The following RIMKLA variants were observed in gnomAD, a reference collection of about 807,000 sequenced individuals.
The protein encoded by RIMKLA is ribosomal modification protein rimK like family member A, also known as N-acetylaspartylglutamate synthase A.
RIMKLA carries 14 observed loss-of-function variants against 32.7 expected under a neutral mutation model. That is an observed-to-expected ratio of 0.43 (90% confidence interval 0.28 to 0.67). The LOEUF (loss-of-function observed/expected upper bound fraction) is 0.67, where lower values mean the gene tolerates loss of function less well. Ranked by LOEUF, RIMKLA falls within the 30% of genes least tolerant of loss-of-function variation. The pLI is 0.18. For synonymous variants in RIMKLA, 176 were observed against 204.1 expected (o/e 0.86, Z 1.18); for missense variants, 410 against 519.0 (o/e 0.79, Z 2.04).
intron 1 of RIMKLA, among the ~76,000 whole-genome samples, chr1:42,388,009 T>G (rs924526658): frequency 2.6e-5 from 4 of 152,078 alleles, no homozygotes; most frequent in African/African-American, 9.7e-5. Context: ...GCAAGCTGTT[T>G]AGATATCTGG....
Position 42,380,800 on chromosome 1 carries a change from G to A in RIMKLA, c.-135G>A, listed in dbSNP as rs1642878727. The A allele has an allele frequency of 9.0e-6, 3 of 332,888 alleles. No homozygotes were observed. Among genetic ancestry groups the A allele is most frequent in the Admixed American group, 5.9e-5 (1 of 16,902 alleles). 20.6% of individuals were successfully genotyped at this position (332,888 alleles called of 1,614,324 possible). A position where few individuals can be genotyped will look rare whatever the true frequency, so the allele number is the denominator to read the frequency against. On this transcript the variant is annotated 5_prime_UTR_variant, in exon 1 of 5. Transcript: ENST00000431473. ...TTCGCTGGGTCAGGGCTGCAGAGAC[G>A]CCTGGCGCACCCGCGGGAGCGGAGC...
intron 3 of RIMKLA, 113 bp downstream of exon 3, chr1:42,404,710 G>T: frequency 1.5e-6 from 1 of 668,440 alleles, no homozygotes; most frequent in Non-Finnish European, 2.7e-6. Flanking sequence ...CCCCTTTGAG[G>T]AGCTTGCAGT....
chr1:42,397,769 A>G (rs1457102271), intron 1 of RIMKLA, among the ~76,000 whole-genome samples: 1 of 152,238 alleles, frequency 6.6e-6, no homozygotes, highest in Admixed American at 6.5e-5. Flanking sequence ...AGCATTTTAG[A>G]GATTCCTTCA....
At chr1:42,384,555 G>A (rs12090430) in intron 1 of RIMKLA, among the ~76,000 whole-genome samples, 1 of 137,332 alleles carries the variant, frequency 7.3e-6, no homozygotes, top group African/African-American at 3.2e-5. Flanking sequence ...ATATATGTGT[G>A]TATATATACA....
chr1:42,383,631 A>T (rs1376072172), intron 1 of RIMKLA, among the ~76,000 whole-genome samples: 1 of 152,264 alleles, frequency 6.6e-6, no homozygotes, highest in Non-Finnish European at 1.5e-5. Flanking sequence ...ATATGTAGTT[A>T]TGATGATATT....
At chr1:42,410,597 AAT>A (rs1643189067) in intron 4 of RIMKLA, among the ~76,000 whole-genome samples, 1 of 152,188 alleles carries the variant, frequency 6.6e-6, no homozygotes, top group Admixed American at 6.5e-5. Context: ...TGACAGGAGA[AAT>A]ATATTTTCCT....
At chr1:42,385,357 CA>C (rs1292985171) in intron 1 of RIMKLA, among the ~76,000 whole-genome samples, 1 of 152,060 alleles carries the variant, frequency 6.6e-6, no homozygotes, top group Non-Finnish European at 1.5e-5. Context: ...GCTCAAGAAA[CA>C]AGTATAGTCA....
rs1570313910 is a variant in RIMKLA at position 42,385,836 on chromosome 1, CTTTCTTTCT to C, written c.163+4740_163+4748del. ...CCTTCCTTCCTTCCTTCCTTTCTTTCTTTCTTTCTCTTTCTTTCTTTCTTTCTTTCTTTC... is the reference window on the plus strand; with the variant it reads ...CCTTCCTTCCTTCCTTCCTTTCTTTCCTTTCTTTCTTTCTTTCTTTCTTTC... On this transcript the variant is annotated intron_variant, in intron 1 of 4. Transcript: ENST00000431473. 3.7e-3 allele frequency among the ~76,000 whole-genome samples: 252 copies of C among 67,416 alleles called. 1 individual carries two copies. Among genetic ancestry groups the C allele is most frequent in the Non-Finnish European group, 4.7e-3 (133 of 28,488 alleles). 44.2% of individuals were successfully genotyped at this position (67,416 alleles called of 152,430 possible).
intron 4 of RIMKLA, chr1:42,412,584 C>T (rs1017349618): frequency 7.9e-6 from 4 of 507,340 alleles, no homozygotes; most frequent in Admixed American, 2.0e-5. Context: ...GTTCACTCCC[C>T]ACTTGTTTAA....
chr1:42,399,599 G>C lies in RIMKLA; in HGVS notation c.359G>C (p.Gly120Ala), dbSNP rs754710016. 8 of 1,611,620 alleles carry C rather than the reference G, an allele frequency of 5.0e-6. No homozygotes were observed. The highest frequency in any genetic ancestry group is 1.3e-5 in the African/African-American group (1 of 74,912). The change falls in exon 2 of 5, where the codon GGA becomes GCA. Residue 120 changes from glycine to alanine, a missense_variant. Coordinates refer to ENST00000431473, the MANE Select transcript of RIMKLA (RefSeq NM_173642.4). ...TTCTGGACGTTCCAAGAACTGGCTGGACATGGGGTCCCCATGCCAGACACC... is the reference window on the plus strand; with the variant it reads ...TTCTGGACGTTCCAAGAACTGGCTGCACATGGGGTCCCCATGCCAGACACC... ...NKFWTFQELA[G>A]HGVPMPDTFS...
In RIMKLA at chr1:42,381,109, G is replaced by T. The variant is rs533919459; in HGVS notation, c.163+12G>T. The T allele has an allele frequency of 5.6e-6, 7 of 1,245,714 alleles. No individual in the cohort carries two copies. Among genetic ancestry groups the T allele is most frequent in the Non-Finnish European group, 5.0e-6 (5 of 992,430 alleles). 77.2% of individuals were successfully genotyped at this position (1,245,714 alleles called of 1,614,324 possible). A position where few individuals can be genotyped will look rare whatever the true frequency, so the allele number is the denominator to read the frequency against. The stretch of plus-strand genomic sequence containing the variant: ...CGGCGGCCACCTCGGTGAGCGAGGC[G>T]GGCCCGGGGAGGGCAGGGAGGCGCG... On this transcript the variant is annotated intron_variant, in intron 1 of 4. Coordinates refer to ENST00000431473, the MANE Select transcript of RIMKLA (RefSeq NM_173642.4).
intron 3 of RIMKLA, among the ~76,000 whole-genome samples, chr1:42,405,598 G>C (rs1381912853): frequency 1.3e-5 from 2 of 152,078 alleles, no homozygotes; most frequent in African/African-American, 4.8e-5. Context: ...CTATGCAATA[G>C]AAATGAACTA....
At chr1:42,400,311 T>C (rs572302432) in intron 2 of RIMKLA, among the ~76,000 whole-genome samples, 8 of 152,212 alleles carry the variant, frequency 5.3e-5, no homozygotes, top group East Asian at 1.9e-4. Flanking sequence ...CAGGAAGTTA[T>C]GGGAGGGCTT....
intron 1 of RIMKLA, among the ~76,000 whole-genome samples, chr1:42,391,800 ATGT>A (rs1021201684): frequency 2.0e-5 from 3 of 152,174 alleles, no homozygotes; most frequent in Non-Finnish European, 4.4e-5. Context: ...AAGAAAGATC[ATGT>A]TGTGAGATGG....
In RIMKLA at chr1:42,399,576, C is replaced by T. The variant is rs547674777; in HGVS notation, c.336C>T (p.Phe112=). ...PQSILNCINK[F]WTFQELAGHG... ...GCATCTTAAATTGCATCAACAAATT[C>T]TGGACGTTCCAAGAACTGGCTGGAC... The change falls in exon 2 of 5, where the codon TTC becomes TTT. Residue 112 remains phenylalanine (F), a synonymous_variant. Coordinates refer to ENST00000431473, the MANE Select transcript of RIMKLA (RefSeq NM_173642.4). The T allele has an allele frequency of 1.2e-6, 2 of 1,613,258 alleles. No individual in the cohort carries two copies. The highest frequency in any genetic ancestry group is 1.1e-5 in the South Asian group (1 of 90,710).
intron 4 of RIMKLA, among the ~76,000 whole-genome samples, chr1:42,414,036 G>A (rs927337207): frequency 5.3e-5 from 8 of 151,670 alleles, no homozygotes; most frequent in African/African-American, 1.5e-4. Context: ...GATTACAGGC[G>A]TGAGTCACTG....
chr1:42,406,090 G>C (rs1349388644), intron 3 of RIMKLA, among the ~76,000 whole-genome samples: 1 of 152,150 alleles, frequency 6.6e-6, no homozygotes, highest in Non-Finnish European at 1.5e-5. Flanking sequence ...CAAAATGCCA[G>C]GCACTATTCC....
intron 2 of RIMKLA, among the ~76,000 whole-genome samples, chr1:42,400,972 G>A (rs1259288264): frequency 6.6e-6 from 1 of 152,054 alleles, no homozygotes; most frequent in African/African-American, 2.4e-5. Flanking sequence ...TTTAAAAGAG[G>A]GAATCCTTTC....
At chr1:42,398,557 A>G (rs946511065) in intron 1 of RIMKLA, among the ~76,000 whole-genome samples, 3 of 152,230 alleles carry the variant, frequency 2.0e-5, no homozygotes, top group Admixed American at 6.5e-5. Flanking sequence ...ATTTCCTTCT[A>G]GCTGTTCCCA....
Sources: allele counts gnomAD v4.1 joint callset (sites outside exome capture counted in the v4.1 genomes callset), GRCh38; gene constraint gnomAD v4.1.1; transcripts MANE v1.5; gene names NCBI Gene and HGNC (gene_info 2026-07-23, HGNC 2026-07-21).